The following MFSD6 variants were observed in gnomAD, a reference collection of about 807,000 sequenced individuals.
MFSD6 encodes major facilitator superfamily domain-containing protein 6.
A neutral mutation model predicts 56.3 loss-of-function variants in MFSD6; 26 were observed. The observed-to-expected ratio is 0.46, with a 90% CI of 0.34 to 0.64. The LOEUF is 0.64. Ranked by LOEUF, MFSD6 falls within the 30% of genes least tolerant of loss-of-function variation. MFSD6 has a pLI of 0.01. For synonymous variants in MFSD6, 331 were observed against 366.9 expected (o/e 0.90, Z 1.12); for missense variants, 750 against 986.2 (o/e 0.76, Z 3.21).
chr2:190,480,384 TTAG>T (rs1209599993), intron 4 of MFSD6, among the ~76,000 whole-genome samples: 1 of 76,502 alleles, frequency 1.3e-5, no homozygotes, highest in Non-Finnish European at 2.6e-5. Flanking sequence ...TGTACTATAG[TTAG>T]TAGTTTATAA....
chr2:190,485,101 C>G lies in MFSD6; in HGVS notation c.1631-3556C>G, dbSNP rs1214625831. Among the ~76,000 whole-genome samples the G allele has an allele frequency of 6.6e-6, 1 of 152,098 alleles. No homozygotes were observed. Among genetic ancestry groups the G allele is most frequent in the Non-Finnish European group, 1.5e-5 (1 of 68,002 alleles). ...AATTCTAAGAATAGTTTAAAAGCAT[C>G]CTGACTTAAGTCATCCCACTGGAAA... On this transcript the variant is annotated intron_variant, in intron 4 of 7. Coordinates refer to ENST00000392328, the MANE Select transcript of MFSD6 (RefSeq NM_017694.4). This position sits in a 1 kb window ranked among gnomAD's most constrained non-coding sequence, Gnocchi z 5.1.
chr2:190,500,048 G>C lies in MFSD6; in HGVS notation c.2206G>C (p.Gly736Arg). ...TGAGAATAGGGAAAATTCTCCTGCTGGTAGAGCCCAGCCTGTCCCATGTGA... is the reference window on the plus strand; with the variant it reads ...TGAGAATAGGGAAAATTCTCCTGCTCGTAGAGCCCAGCCTGTCCCATGTGA... ...TNENRENSPA[G>R]RAQPVPCETH... The change falls in exon 8 of 8, where the codon GGT becomes CGT. Residue 736 changes from glycine to arginine, a missense_variant. Gly to Arg is a moderately radical substitution (Grantham distance 125). Transcript: ENST00000392328. The surrounding 1 kb of genome is among the most constrained non-coding windows in gnomAD (Gnocchi z 5.3). 3.1e-6 allele frequency: 5 copies of C among 1,614,178 alleles called. No homozygotes were observed. The highest frequency in any genetic ancestry group is 4.2e-6 in the Non-Finnish European group (5 of 1,180,030).
At chr2:190,409,157 T>C (rs1002440122) in intron 1 of MFSD6, among the ~76,000 whole-genome samples, 4 of 152,128 alleles carry the variant, frequency 2.6e-5, no homozygotes, top group Non-Finnish European at 5.9e-5. Context: ...GTCTAACATG[T>C]CTCTGGAGCC....
At chr2:190,414,643 CTA>C (rs1306801345) in intron 1 of MFSD6, among the ~76,000 whole-genome samples, 1 of 152,068 alleles carries the variant, frequency 6.6e-6, no homozygotes, top group African/African-American at 2.4e-5. Context: ...TTTAATAACT[CTA>C]TAATTTTTCA....
intron 3 of MFSD6, among the ~76,000 whole-genome samples, chr2:190,468,076 G>A (rs1476964056): frequency 2.0e-5 from 3 of 152,324 alleles, no homozygotes; most frequent in Non-Finnish European, 2.9e-5. Context: ...TGTTCATGTA[G>A]TATATTTTGC....
At chr2:190,408,787 C>T (rs1008441984) in intron 1 of MFSD6, among the ~76,000 whole-genome samples, 3 of 152,200 alleles carry the variant, frequency 2.0e-5, no homozygotes, top group Non-Finnish European at 4.4e-5. Flanking sequence ...CAGCGCGCCC[C>T]GTGCTGGCAG....
At chr2:190,460,447 C>G (rs541200693) in intron 3 of MFSD6, among the ~76,000 whole-genome samples, 4 of 152,258 alleles carry the variant, frequency 2.6e-5, no homozygotes, top group Non-Finnish European at 5.9e-5. Context: ...GTGTATATCC[C>G]TAGCACTTAG....
chr2:190,445,783 T>C (rs1460819367), intron 3 of MFSD6, among the ~76,000 whole-genome samples: 1 of 148,026 alleles, frequency 6.8e-6, no homozygotes, highest in Non-Finnish European at 1.5e-5. Flanking sequence ...GAATACTTAC[T>C]TTGAAATCAG....
intron 3 of MFSD6, among the ~76,000 whole-genome samples, chr2:190,445,497 G>GC (rs1229126124): frequency 5.8e-5 from 6 of 102,898 alleles, no homozygotes; most frequent in Non-Finnish European, 1.3e-4. Flanking sequence ...TAAAGAACAC[G>GC]AATTTTTTTT....
In MFSD6 at chr2:190,469,733, A is replaced by ATTTTTAT. The variant is rs57606972; in HGVS notation, c.1533-12_1533-6dup. ...ATTTTCCTTTGCTTTTTTTTATTTTATTTTTATTTTTTATTTTTTTTTAGG... is the reference window on the plus strand; with the variant it reads ...ATTTTCCTTTGCTTTTTTTTATTTTATTTTTATTTTTTATTTTTTATTTTTTTTTAGG... On this transcript the variant is annotated intron_variant, in intron 3 of 7. Transcript: ENST00000392328. The surrounding 1 kb of genome is among the most constrained non-coding windows in gnomAD (Gnocchi z 5.3). 1,023,308 of 1,120,248 alleles carry ATTTTTAT rather than the reference A, an allele frequency of 0.91. 470,803 individuals carry two copies. The highest frequency in any genetic ancestry group is 0.99 in the East Asian group (31,995 of 32,418). 69.4% of individuals were successfully genotyped at this position (1,120,248 alleles called of 1,614,324 possible).
intron 4 of MFSD6, among the ~76,000 whole-genome samples, chr2:190,475,493 C>G (rs1688246164): frequency 6.6e-6 from 1 of 152,054 alleles, no homozygotes; most frequent in Admixed American, 6.6e-5. Context: ...ACCTAGGAAT[C>G]CAACTTATAA....
chr2:190,478,901 G>A (rs1016578614), intron 4 of MFSD6, among the ~76,000 whole-genome samples: 5 of 151,878 alleles, frequency 3.3e-5, no homozygotes, highest in East Asian at 1.9e-4. Context: ...AAAACACCAC[G>A]AGAACTAGTA....
chr2:190,454,721 T>C lies in MFSD6; in HGVS notation c.1533-15037T>C, dbSNP rs1000865599. Among the ~76,000 whole-genome samples the C allele has an allele frequency of 1.1e-4, 16 of 152,036 alleles. No homozygotes were observed. The highest frequency in any genetic ancestry group is 3.9e-4 in the African/African-American group (16 of 41,372). On this transcript the variant is annotated intron_variant, in intron 3 of 7. Transcript: ENST00000392328. The surrounding 1 kb of genome is among the most constrained non-coding windows in gnomAD (Gnocchi z 4.6). ...GCTTAACCCACCAGTTTATGGCATA[T>C]TGTCATGGCAGCCCGAGCAAATTAA...
At chr2:190,486,075 T>C (rs1268108299) in intron 4 of MFSD6, among the ~76,000 whole-genome samples, 1 of 152,252 alleles carries the variant, frequency 6.6e-6, no homozygotes, top group Non-Finnish European at 1.5e-5. Context: ...GCTAAGTTAC[T>C]TGGAAATAGT....
In MFSD6 at chr2:190,437,168, C is replaced by G; in HGVS notation, c.1139C>G (p.Thr380Ser). The G allele has an allele frequency of 6.2e-7, 1 of 1,614,226 alleles. No homozygotes were observed. Residue 380 changes from threonine to serine, a missense_variant, in exon 3 of 8, where the codon ACC (threonine) becomes AGC (serine). By Grantham distance (58) the Thr-to-Ser change is moderately conservative (BLOSUM62 1). Transcript: ENST00000392328. This position sits in a 1 kb window ranked among gnomAD's most constrained non-coding sequence, Gnocchi z 5.9. ...TTCATCGTCTTCGGCGTTCTCATGA[C>G]CATGGCCTTGATCGTTGCCACTCAG... ...IVFIVFGVLM[T>S]MALIVATQFR...
chr2:190,425,707 T>A lies in MFSD6; in HGVS notation c.-53-10270T>A, dbSNP rs535652554. ...TATTTTTGGAATCAACCACACTTTG[T>A]CATGTTGTATAATTCTTTTTATATG... On this transcript the variant is annotated intron_variant, in intron 2 of 7. Coordinates refer to ENST00000392328, the MANE Select transcript of MFSD6 (RefSeq NM_017694.4). The surrounding 1 kb of genome is among the most constrained non-coding windows in gnomAD (Gnocchi z 4.3). Among the ~76,000 whole-genome samples the A allele has an allele frequency of 1.6e-4, 24 of 152,340 alleles. No individual in the cohort carries two copies. Among genetic ancestry groups the A allele is most frequent in the African/African-American group, 5.3e-4 (22 of 41,576 alleles).
rs1687145449 is a variant in MFSD6 at position 190,458,303 on chromosome 2, TC to T, written c.1533-11454del. Among the ~76,000 whole-genome samples the T allele has an allele frequency of 6.6e-6, 1 of 152,124 alleles. No homozygotes were observed. Among genetic ancestry groups the T allele is most frequent in the South Asian group, 2.1e-4 (1 of 4,828 alleles). On this transcript the variant is annotated intron_variant, in intron 3 of 7. Transcript: ENST00000392328. The surrounding 1 kb of genome is among the most constrained non-coding windows in gnomAD (Gnocchi z 5.3). The stretch of plus-strand genomic sequence containing the variant: ...TGAAATTAAAATCAGGTCATTAGGG[TC>T]AGCCCTCATCTGTTATGAGCAGTGT...
rs1689526572 is a variant in MFSD6 at position 190,494,119 on chromosome 2, C to T, written c.1892-3320C>T. 6.6e-6 allele frequency among the ~76,000 whole-genome samples: 1 copy of T among 151,670 alleles called. No homozygotes were observed. Among genetic ancestry groups the T allele is most frequent in the South Asian group, 2.1e-4 (1 of 4,796 alleles). On this transcript the variant is annotated intron_variant, in intron 6 of 7. Transcript: ENST00000392328. The surrounding 1 kb of genome is among the most constrained non-coding windows in gnomAD (Gnocchi z 5.7). Reference sequence around the variant, plus strand: ...TTGATATATCATTAACAAGATTAACCAAGAAAAGAAAAGAGAAAATCCAAA... The same window carrying T: ...TTGATATATCATTAACAAGATTAACTAAGAAAAGAAAAGAGAAAATCCAAA...
In MFSD6 at chr2:190,487,209, C is replaced by G. The variant is rs11885992; in HGVS notation, c.1631-1448C>G. ...TACAAAAATTAGCTGGGGGTGGTGG[C>G]GGGCACTTGTAGTCCCAGCTACTTG... On this transcript the variant is annotated intron_variant, in intron 4 of 7. Coordinates refer to ENST00000392328, the MANE Select transcript of MFSD6 (RefSeq NM_017694.4). The surrounding 1 kb of genome is among the most constrained non-coding windows in gnomAD (Gnocchi z 5.5). Among the ~76,000 whole-genome samples, 25,763 of 151,548 alleles carry G rather than the reference C, an allele frequency of 0.17. 2,347 individuals are homozygous for G. Among genetic ancestry groups the G allele is most frequent in the East Asian group, 0.3 (1,544 of 5,116 alleles).
Sources: allele counts gnomAD v4.1 joint callset (sites outside exome capture counted in the v4.1 genomes callset), GRCh38; gene constraint gnomAD v4.1.1; non-coding constraint Gnocchi (gnomAD v3.1); transcripts MANE v1.5; gene names NCBI Gene and HGNC (gene_info 2026-07-23, HGNC 2026-07-21).